Variants in ADAM33 observed in about 807,000 individuals in gnomAD.
ADAM33 encodes the protein disintegrin and metalloproteinase domain-containing protein 33.
A neutral mutation model predicts 106.2 loss-of-function variants in ADAM33; 103 were observed. The observed-to-expected ratio is 0.97, with a 90% CI of 0.83 to 1.14. The LOEUF is 1.14. Among genes scored for constraint, ADAM33 ranks in the 50% most tolerant of loss-of-function variants. The pLI is 0.00. For synonymous variants in ADAM33, 483 were observed against 453.0 expected (o/e 1.07, Z -0.84); for missense variants, 1,120 against 1,096.6 (o/e 1.02, Z -0.30).
At chr20:3,679,303 G>A (rs991527890) in intron 2 of ADAM33, among the ~76,000 whole-genome samples, 189 bp downstream of exon 2, 1 of 151,928 alleles carries the variant, frequency 6.6e-6, no homozygotes, top group Non-Finnish European at 1.5e-5. Context: ...GCGGGCTCAC[G>A]AGATCCAGAT....
Position 3,673,337 on chromosome 20 carries a change from AC to A in ADAM33, c.1133+16del, listed in dbSNP as rs760419064. Reference sequence around the variant, plus strand: ...GACTAGCCGCCCCGCCGCAGCCCCGACCCCCCACCCGCGTACCCGGTGGCCG... The same window carrying A: ...GACTAGCCGCCCCGCCGCAGCCCCGACCCCCACCCGCGTACCCGGTGGCCG... On this transcript the variant is annotated intron_variant, in intron 11 of 21. Transcript: ENST00000356518. 3.9e-6 allele frequency: 6 copies of A among 1,535,692 alleles called. No homozygotes were observed. Among genetic ancestry groups the A allele is most frequent in the Admixed American group, 3.9e-5 (2 of 51,376 alleles).
In ADAM33 at chr20:3,674,060, C is replaced by T. The variant is rs373278642; in HGVS notation, c.738+4G>A. ...ATCACCGCTCTCTCCCCGCCGCCCC[C>T]AACCTGGTCCACGTAGTTGGCGACT... On this transcript the variant is annotated splice_donor_region_variant and intron_variant, in intron 8 of 21. Coordinates refer to ENST00000356518, the MANE Select transcript of ADAM33 (RefSeq NM_025220.5). 6.2e-7 allele frequency: 1 copy of T among 1,614,130 alleles called. No individual in the cohort carries two copies. Among genetic ancestry groups the T allele is most frequent in the Non-Finnish European group, 8.5e-7 (1 of 1,180,014 alleles).
Position 3,673,912 on chromosome 20 carries a change from C to A in ADAM33, c.739-1G>T. ...CCTGAATGTCCAGAGTCCTGAGAAGCTGAGGGCGAGGCGGGGCTGAAGCCG... is the reference window on the plus strand; with the variant it reads ...CCTGAATGTCCAGAGTCCTGAGAAGATGAGGGCGAGGCGGGGCTGAAGCCG... On this transcript the variant is annotated splice_acceptor_variant, in intron 8 of 21. Coordinates refer to ENST00000356518, the MANE Select transcript of ADAM33 (RefSeq NM_025220.5). LOFTEE classifies it high-confidence loss of function. 6.4e-7 allele frequency: 1 copy of A among 1,567,524 alleles called. No homozygotes were observed.
At position 3,668,828 on chromosome 20, in the gene ADAM33, G is replaced by C; in HGVS notation, c.*135C>G. On this transcript the variant is annotated 3_prime_UTR_variant, in exon 22 of 22. Transcript: ENST00000356518. ...GAGTGGGTGGGTCGAAGCTCCACTC[G>C]GGGAAGAAACTTCCAAGCTGCCTGC... 1.8e-6 allele frequency: 2 copies of C among 1,101,110 alleles called. No homozygotes were observed. Among genetic ancestry groups the C allele is most frequent in the Non-Finnish European group, 2.7e-6 (2 of 727,804 alleles). The allele number at this position is 1,101,110 out of a possible 1,614,324, so 68.2% of individuals were successfully genotyped here.
At chr20:3,678,003 A>G (rs147296363) in intron 2 of ADAM33, among the ~76,000 whole-genome samples, 2 of 152,238 alleles carry the variant, frequency 1.3e-5, no homozygotes, top group Non-Finnish European at 2.9e-5. Flanking sequence ...GCCCTGTCCA[A>G]GGGTCTCAGA....
In ADAM33 at chr20:3,671,198, C is replaced by T. The variant is rs774097016; in HGVS notation, c.2092+39G>A. On this transcript the variant is annotated intron_variant, in intron 18 of 21. Transcript: ENST00000356518. ...GGGCGCTGAGTCCTGAGCAGGTGCACCACCCCAGCTCCTGCCCACATGCCC... is the reference window on the plus strand; with the variant it reads ...GGGCGCTGAGTCCTGAGCAGGTGCATCACCCCAGCTCCTGCCCACATGCCC... 2.5e-6 allele frequency: 4 copies of T among 1,612,528 alleles called. No individual in the cohort carries two copies. The East Asian group carries it at 8.9e-5, about 36-fold the overall frequency.
chr20:3,671,659 G>A lies in ADAM33; in HGVS notation c.1827C>T (p.Ala609=), dbSNP rs750104338. ...CCAGCTGGGCACTGGGGAGTGCCAA[G>A]GCTCCCCGACAAGTCACTTCCTGGC... The part of the protein sequence containing the change: ...LDGQEVTCRG[A]LALPSAQLDL... Residue 609 remains alanine, a synonymous_variant, in exon 16 of 22, where the codon GCC becomes GCT. Coordinates refer to ENST00000356518, the MANE Select transcript of ADAM33 (RefSeq NM_025220.5). The A allele has an allele frequency of 1.9e-6, 3 of 1,579,918 alleles. No individual in the cohort carries two copies. Among genetic ancestry groups the A allele is most frequent in the Non-Finnish European group, 1.7e-6 (2 of 1,162,510 alleles).
In ADAM33 at chr20:3,674,496, C is replaced by G. The variant is rs1351425254; in HGVS notation, c.600+8G>C. On this transcript the variant is annotated splice_region_variant and intron_variant, in intron 6 of 21. Transcript: ENST00000356518. ...CATTCCCACTCCCATCCGATCGATG[C>G]CCCTGACCCTGCTCTGGGGACCACC... is the stretch of plus-strand genomic sequence containing the variant. 1 of 1,612,102 alleles carries G rather than the reference C, an allele frequency of 6.2e-7. No individual in the cohort carries two copies. Among genetic ancestry groups the G allele is most frequent in the Non-Finnish European group, 8.5e-7 (1 of 1,179,576 alleles).
intron 20 of ADAM33, 81 bp downstream of exon 20, chr20:3,669,465 C>G: frequency 6.5e-7 from 1 of 1,542,758 alleles, no homozygotes; most frequent in Non-Finnish European, 8.8e-7. Context: ...TGACTGGGTG[C>G]TGCCCATCTG....
Position 3,669,621 on chromosome 20 carries a change from G to A in ADAM33, c.2257C>T (p.His753Tyr). Residue 753 changes from histidine (H) to tyrosine (Y), a missense_variant, in exon 20 of 22, where the codon CAC becomes TAC. Transcript: ENST00000356518. ...PACSGPKDGP[H>Y]RDHPLGGVHP... is the part of the protein sequence containing the mutation. ...ACGCCGCCCAGGGGGTGGTCCCTGTGTGGGCCATCTTTGGGGCTGAGCAAC... is the reference window on the plus strand; with the variant it reads ...ACGCCGCCCAGGGGGTGGTCCCTGTATGGGCCATCTTTGGGGCTGAGCAAC... 1 of 1,602,312 alleles carries A rather than the reference G, an allele frequency of 6.2e-7. No homozygotes were observed. Among genetic ancestry groups the A allele is most frequent in the Non-Finnish European group, 8.5e-7 (1 of 1,175,448 alleles).
Position 3,668,796 on chromosome 20 carries a change from G to A in ADAM33, c.*167C>T. ...TCAGGAACTTCTAATGTGGCTCTGG[G>A]TTCCTGGAGTGGGTGGGTCGAAGCT... On this transcript the variant is annotated 3_prime_UTR_variant, in exon 22 of 22. Coordinates refer to ENST00000356518, the MANE Select transcript of ADAM33 (RefSeq NM_025220.5). 1 of 777,246 alleles carries A rather than the reference G, an allele frequency of 1.3e-6. No homozygotes were observed. Among genetic ancestry groups the A allele is most frequent in the Non-Finnish European group, 2.2e-6 (1 of 449,946 alleles). 48.1% of individuals were successfully genotyped at this position (777,246 alleles called of 1,614,324 possible). A position where few individuals can be genotyped will look rare whatever the true frequency, so the allele number is the denominator to read the frequency against.
chr20:3,671,704 G>A lies in ADAM33; in HGVS notation c.1782C>T (p.Asp594=), dbSNP rs1288486687. The A allele has an allele frequency of 1.4e-5, 23 of 1,587,354 alleles. 1 individual carries two copies. The South Asian group carries it at 2.6e-4, about 18-fold the overall frequency. Reference sequence around the variant, plus strand: ...CCTGGCCATCTAGGTGAACGGTAGAGTCCACTGGCACCATGTGCGGTGCGA... The same window carrying A: ...CCTGGCCATCTAGGTGAACGGTAGAATCCACTGGCACCATGTGCGGTGCGA... The part of the protein sequence containing the change: ...SLLAPHMVPV[D]STVHLDGQEV... Residue 594 remains aspartate (D), a synonymous_variant, in exon 16 of 22, where the codon GAC becomes GAT. Transcript: ENST00000356518.
rs563988014 is a variant in ADAM33 at position 3,672,312 on chromosome 20, C to A, written c.1419G>T (p.Ala473=). The A allele has an allele frequency of 1.9e-6, 3 of 1,612,442 alleles. No individual in the cohort carries two copies. Among genetic ancestry groups the A allele is most frequent in the Non-Finnish European group, 2.5e-6 (3 of 1,179,732 alleles). The change falls in exon 14 of 22, where the codon GCG becomes GCT. Residue 473 remains alanine, a synonymous_variant. Transcript: ENST00000356518. ...CVRCLLKPAG[A]LCRQAMGDCD... is the part of the protein sequence containing the mutation. ...AGTCACCCATGGCCTGGCGGCACAGCGCTCCAGCCGGCTTCAGCTGCGCAG... is the reference window on the plus strand; with the variant it reads ...AGTCACCCATGGCCTGGCGGCACAGAGCTCCAGCCGGCTTCAGCTGCGCAG...
rs202113231 is a variant in ADAM33, at chr20:3,674,491, C to G, written c.600+13G>C. 6.2e-7 allele frequency: 1 copy of G among 1,611,508 alleles called. No individual in the cohort carries two copies. The highest frequency in any genetic ancestry group is 1.3e-5 in the African/African-American group (1 of 74,872). On this transcript the variant is annotated intron_variant, in intron 6 of 21. Transcript: ENST00000356518. ...TACAGCATTCCCACTCCCATCCGATCGATGCCCCTGACCCTGCTCTGGGGA... is the reference window on the plus strand; with the variant it reads ...TACAGCATTCCCACTCCCATCCGATGGATGCCCCTGACCCTGCTCTGGGGA...
rs991632004 is a variant in ADAM33 at position 3,681,979 on chromosome 20, C to G, written c.26G>C (p.Arg9Pro). 3 of 1,542,010 alleles carry G rather than the reference C, an allele frequency of 1.9e-6. No homozygotes were observed. The highest frequency in any genetic ancestry group is 2.6e-6 in the Non-Finnish European group (3 of 1,143,880). Residue 9 changes from arginine (R) to proline (P), a missense_variant, in exon 1 of 22, where the codon CGG (arginine) becomes CCG (proline). By Grantham distance (103) the Arg-to-Pro change is moderately radical. Transcript: ENST00000356518. ...TAGCAGCAGCAGCAACGGGGTCCCC[C>G]GAGCTCTCCGGGGCCTCCAGCCCAT... MGWRPRRA[R>P]GTPLLLLLLL... is the part of the protein sequence containing the mutation.
At chr20:3,670,448 C>T (rs1277599606) in intron 19 of ADAM33, 1 of 160,710 alleles carries the variant, frequency 6.2e-6, no homozygotes, top group Non-Finnish European at 1.4e-5. Context: ...TGTGACTCCC[C>T]ACTCCGCCAC....
rs778859218 is a variant in ADAM33 at position 3,671,673 on chromosome 20, T to A, written c.1813A>T (p.Thr605Ser). The change falls in exon 16 of 22, where the codon ACT (threonine) becomes TCT (serine). Residue 605 changes from threonine (T) to serine (S), a missense_variant. By Grantham distance (58) the Thr-to-Ser change is moderately conservative (BLOSUM62 1). Coordinates refer to ENST00000356518, the MANE Select transcript of ADAM33 (RefSeq NM_025220.5). The part of the protein sequence containing the change: ...STVHLDGQEV[T>S]CRGALALPSA... ...GGGAGTGCCAAGGCTCCCCGACAAG[T>A]CACTTCCTGGCCATCTAGGTGAACG... 5.0e-6 allele frequency: 8 copies of A among 1,584,374 alleles called. No homozygotes were observed. The highest frequency in any genetic ancestry group is 6.0e-6 in the Non-Finnish European group (7 of 1,164,886).
Position 3,674,570 on chromosome 20 carries a change from G to A in ADAM33, c.534C>T (p.Thr178=), listed in dbSNP as rs1479225342. The stretch of plus-strand genomic sequence containing the variant: ...TGTTCCCAGGATCCCTGTGGCCACA[G>A]GTTCCTTTCCAGGTGAGCAGCTGCT... ...RMEQLLTWKG[T]CGHRDPGNKA... is the part of the protein sequence containing the mutation. Residue 178 remains threonine (T), a synonymous_variant, in exon 6 of 22, where the codon ACC becomes ACT. Transcript: ENST00000356518. The A allele has an allele frequency of 6.2e-7, 1 of 1,613,522 alleles. No individual in the cohort carries two copies. The highest frequency in any genetic ancestry group is 8.5e-7 in the Non-Finnish European group (1 of 1,179,920).
At chr20:3,674,025 C>G in intron 8 of ADAM33, 39 bp downstream of exon 8, 1 of 1,613,190 alleles carries the variant, frequency 6.2e-7, no homozygotes, top group Non-Finnish European at 8.5e-7. Flanking sequence ...GTCCTGCCGC[C>G]GCCACCCCCA....
Sources: gnomAD v4.1 joint callset for allele counts (sites outside exome capture counted in the v4.1 genomes callset) on GRCh38, gnomAD v4.1.1 for gene constraint, MANE v1.5 for transcripts, NCBI Gene and HGNC (gene_info 2026-07-23, HGNC 2026-07-21) for gene names.